Variants in CTNNA2 observed in about 807,000 individuals in gnomAD.
The protein encoded by CTNNA2 is catenin alpha 2.
A neutral mutation model predicts 101.0 loss-of-function variants in CTNNA2; 42 were observed. The observed-to-expected ratio is 0.42, with a 90% CI of 0.32 to 0.54. CTNNA2 has a LOEUF of 0.54. CTNNA2 is among the 20% of genes least tolerant of loss of function. The pLI, the probability that CTNNA2 is intolerant of heterozygous loss-of-function variation, is 0.14. For missense variants in CTNNA2, 871 were observed against 1,223.1 expected, an observed-to-expected ratio of 0.71 and a Z score of 4.29; for synonymous variants, 450 against 456.4, an observed-to-expected ratio of 0.99 and a Z score of 0.18.
intron 4 of CTNNA2, among the ~76,000 whole-genome samples, chr2:79,862,925 G>A (rs1356615288): frequency 6.6e-6 from 1 of 152,172 alleles, no homozygotes; most frequent in South Asian, 2.1e-4. Flanking sequence ...TAAAAGTCCA[G>A]AGGTAATAGC....
chr2:80,117,455 A>AGTGTGTGTGTGTGTGTGTGTGT (rs59521287), intron 7 of CTNNA2, among the ~76,000 whole-genome samples: 3 of 145,882 alleles, frequency 2.1e-5, no homozygotes, highest in African/African-American at 5.1e-5. Flanking sequence ...TTCCTGTGTG[A>AGTGTGTGTGTGTGTGTGTGTGT]GTGTGTGTGT....
chr2:80,614,131 G>C (rs945328184), intron 17 of CTNNA2, among the ~76,000 whole-genome samples: 1 of 151,466 alleles, frequency 6.6e-6, no homozygotes, highest in African/African-American at 2.4e-5. Flanking sequence ...GAATGATTTA[G>C]TAGCCAATTA....
chr2:79,693,149 T>G (rs1025574221), intron 2 of CTNNA2, among the ~76,000 whole-genome samples: 1 of 152,028 alleles, frequency 6.6e-6, no homozygotes, highest in Non-Finnish European at 1.5e-5. Context: ...ATCCCTGATA[T>G]AAATTTTTAC....
chr2:79,199,073 C>T (rs1200808200), intron 2 of CTNNA2, among the ~76,000 whole-genome samples: 1 of 152,322 alleles, frequency 6.6e-6, no homozygotes, highest in East Asian at 1.9e-4. Context: ...GAGAATTATT[C>T]TGCATCATTA....
At chr2:79,339,900 A>G (rs1677089229) in intron 3 of CTNNA2, 1 of 152,222 alleles carries the variant, frequency 6.6e-6, no homozygotes, top group Non-Finnish European at 1.5e-5. Flanking sequence ...TCTGTTTCAA[A>G]TAAGATGTTT....
intron 7 of CTNNA2, among the ~76,000 whole-genome samples, chr2:80,092,863 G>A (rs937259271): frequency 7.2e-5 from 11 of 151,980 alleles, no homozygotes; most frequent in African/African-American, 2.2e-4. Context: ...AGCATTAAGG[G>A]TTAGATAGCT....
chr2:80,213,813 G>T (rs996945511), intron 7 of CTNNA2, among the ~76,000 whole-genome samples: 7 of 152,144 alleles, frequency 4.6e-5, no homozygotes, highest in Admixed American at 2.0e-4. Flanking sequence ...TGACAGTGGG[G>T]TGTTAAAGTC....
rs77824342 is a variant in CTNNA2, at chr2:80,574,383, T to C, written c.1893+69T>C. The stretch of plus-strand genomic sequence containing the variant: ...TAGGAAACTAAAGAGCTAACTGTCT[T>C]ATTTATTATTTATTTTGTAATTACT... On this transcript the variant is annotated intron_variant, in intron 13 of 18. Coordinates refer to ENST00000402739, the MANE Select transcript of CTNNA2 (RefSeq NM_001282597.3). The C allele has an allele frequency of 9.9e-3, 14,262 of 1,435,634 alleles. 78 individuals are homozygous for C. Among genetic ancestry groups the C allele is most frequent in the Non-Finnish European group, 0.011 (12,150 of 1,081,570 alleles). The allele number at this position is 1,435,634 out of a possible 1,614,324, so 88.9% of individuals were successfully genotyped here.
intron 9 of CTNNA2, among the ~76,000 whole-genome samples, chr2:80,428,735 A>G (rs1477602807): frequency 6.6e-6 from 1 of 152,200 alleles, no homozygotes; most frequent in East Asian, 1.9e-4. Flanking sequence ...CCATGAACTA[A>G]AAAGAAAATC....
intron 9 of CTNNA2, among the ~76,000 whole-genome samples, chr2:80,541,416 T>C (rs563892221): frequency 6.6e-6 from 1 of 152,262 alleles, no homozygotes; most frequent in South Asian, 2.1e-4. Flanking sequence ...AGCTCTTTAT[T>C]TTTGCCAAGC....
At chr2:80,572,322 A>C (rs931796995) in intron 12 of CTNNA2, among the ~76,000 whole-genome samples, 2 of 152,162 alleles carry the variant, frequency 1.3e-5, no homozygotes, top group African/African-American at 4.8e-5. Context: ...ATTCTTTGTC[A>C]ATTTTTAATA....
chr2:80,023,404 G>T (rs930923386), intron 7 of CTNNA2, among the ~76,000 whole-genome samples: 2 of 152,084 alleles, frequency 1.3e-5, no homozygotes, highest in Non-Finnish European at 2.9e-5. Context: ...ATTAGTTCCT[G>T]ATTGAAGTTT....
At chr2:79,924,143 A>G (rs1004023370) in intron 7 of CTNNA2, among the ~76,000 whole-genome samples, 1 of 152,164 alleles carries the variant, frequency 6.6e-6, no homozygotes, top group Non-Finnish European at 1.5e-5. Flanking sequence ...TTTAAAAAAA[A>G]GGAAATTCTG....
At chr2:79,607,966 C>G (rs529370603) in intron 1 of CTNNA2, among the ~76,000 whole-genome samples, 15 of 151,012 alleles carry the variant, frequency 9.9e-5, no homozygotes, top group Non-Finnish European at 1.8e-4. Context: ...TCAGTGAAAA[C>G]AAAGGCAGGT....
chr2:79,641,321 T>A (rs1164083066), intron 1 of CTNNA2, among the ~76,000 whole-genome samples: 1 of 152,190 alleles, frequency 6.6e-6, no homozygotes, highest in Admixed American at 6.5e-5. Context: ...TGGTGAAGAA[T>A]TGAGATATAT....
rs113333224 is a variant in CTNNA2 at position 79,819,224 on chromosome 2, C to G, written c.299-38789C>G. Among the ~76,000 whole-genome samples, 107 of 152,080 alleles carry G rather than the reference C, an allele frequency of 7.0e-4. 1 individual carries two copies. Among genetic ancestry groups the G allele is most frequent in the African/African-American group, 2.5e-3 (105 of 41,476 alleles). ...GAACTCCCGACCTCAGGTGATCCGC[C>G]TGCCTTGGCCTCCCAAAGTGCTGGG... On this transcript the variant is annotated intron_variant, in intron 3 of 18. Coordinates refer to ENST00000402739, the MANE Select transcript of CTNNA2 (RefSeq NM_001282597.3).
chr2:79,668,900 C>G (rs1682634011), intron 2 of CTNNA2, among the ~76,000 whole-genome samples: 1 of 152,150 alleles, frequency 6.6e-6, no homozygotes, highest in Admixed American at 6.5e-5. Flanking sequence ...GGAACACATT[C>G]CTTATTCTAA....
At chr2:79,772,249 T>C (rs2105150645) in intron 3 of CTNNA2, among the ~76,000 whole-genome samples, 1 of 152,254 alleles carries the variant, frequency 6.6e-6, no homozygotes, top group South Asian at 2.1e-4. Context: ...CAGTTTGATA[T>C]TAAAAAAATT....
Position 80,123,570 on chromosome 2 carries a change from T to A in CTNNA2, c.1056+213773T>A, listed in dbSNP as rs1701963353. On this transcript the variant is annotated intron_variant, in intron 7 of 18. Transcript: ENST00000402739. ...GGCATCACTGGGCTAAAATATTACT[T>A]CTGAAGGTCTGCAGAATGCTAGTGA... Among the ~76,000 whole-genome samples, 4 of 152,194 alleles carry A rather than the reference T, an allele frequency of 2.6e-5. No homozygotes were observed. The South Asian group carries it at 8.3e-4, about 31-fold the overall frequency.
Sources: gnomAD v4.1 joint callset for allele counts (sites outside exome capture counted in the v4.1 genomes callset) on GRCh38, gnomAD v4.1.1 for gene constraint, MANE v1.5 for transcripts, NCBI Gene and HGNC (gene_info 2026-07-23, HGNC 2026-07-21) for gene names.